Variants in CD5L observed in about 807,000 individuals in gnomAD.
CD5L encodes CD5 molecule like.
CD5L carries 39 observed loss-of-function variants against 40.8 expected under a neutral mutation model. The observed-to-expected ratio is 0.96, with a 90% confidence interval of 0.74 to 1.25. The LOEUF is 1.25. CD5L is among the 50% of genes most tolerant of loss of function. The pLI is 0.00. For missense variants in CD5L, 433 were observed against 435.9 expected (o/e 0.99, Z 0.06); for synonymous variants, 192 against 169.6 (o/e 1.13, Z -1.03).
In CD5L at chr1:157,831,982, A is replaced by G. The variant is rs2101935348; in HGVS notation, c.1040-14T>C. On this transcript the variant is annotated splice_polypyrimidine_tract_variant and intron_variant, in intron 5 of 5. Coordinates refer to ENST00000368174, the MANE Select transcript of CD5L (RefSeq NM_005894.3). ...CAGGATACTATCCTATAAAGAGAAGAGGAAAATGCAGTAAGGATGGGTATA... is the reference window on the plus strand; with the variant it reads ...CAGGATACTATCCTATAAAGAGAAGGGGAAAATGCAGTAAGGATGGGTATA... 6.4e-7 allele frequency: 1 copy of G among 1,570,466 alleles called. No homozygotes were observed. The highest frequency in any genetic ancestry group is 1.4e-5 in the African/African-American group (1 of 73,468).
At chr1:157,828,852 TCA>T (rs1481593666), downstream of CD5L, among the ~76,000 whole-genome samples, 1 of 152,232 alleles carries the variant, frequency 6.6e-6, no homozygotes, top group Non-Finnish European at 1.5e-5. Context: ...CTTTTCTGTC[TCA>T]CTCATTTTCT....
chr1:157,827,946 T>C (rs1655946399), downstream of CD5L, among the ~76,000 whole-genome samples: 1 of 152,234 alleles, frequency 6.6e-6, no homozygotes, highest in Non-Finnish European at 1.5e-5. Context: ...TTATTATCAT[T>C]GCAATTTTAT....
chr1:157,834,801 C>T, intron 3 of CD5L, 53 bp from the exon 4 acceptor site: 4 of 1,468,044 alleles, frequency 2.7e-6, no homozygotes, highest in Non-Finnish European at 3.8e-6. Context: ...ATGGTCTTCT[C>T]AGTAAAGGCG....
chr1:157,839,573 C>T (rs1199657818), intron 1 of CD5L, among the ~76,000 whole-genome samples, 163 bp from the exon 2 acceptor site: 1 of 152,208 alleles, frequency 6.6e-6, no homozygotes, highest in East Asian at 1.9e-4. Context: ...TGACCATCCT[C>T]CAAGGACACA....
downstream of CD5L, among the ~76,000 whole-genome samples, chr1:157,828,284 G>A (rs1655956811): frequency 6.6e-6 from 1 of 152,094 alleles, no homozygotes; most frequent in Non-Finnish European, 1.5e-5. Flanking sequence ...ATCTTACTTG[G>A]TCCATCAACA....
At chr1:157,839,628 A>G (rs1656310625) in intron 1 of CD5L, among the ~76,000 whole-genome samples, 1 of 152,118 alleles carries the variant, frequency 6.6e-6, no homozygotes, top group African/African-American at 2.4e-5. Flanking sequence ...ACCACAGCTA[A>G]CTGGTTCAGC....
downstream of CD5L, among the ~76,000 whole-genome samples, chr1:157,827,263 GGTGTATGTGT>G (rs1242704235): frequency 2.0e-4 from 24 of 117,092 alleles, no homozygotes; most frequent in East Asian, 1.8e-3. Context: ...CAGGACAAAT[GGTGTATGTGT>G]GTGTGTGTGT....
downstream of CD5L, among the ~76,000 whole-genome samples, chr1:157,828,334 T>G (rs903230784): frequency 6.6e-6 from 1 of 152,192 alleles, no homozygotes; most frequent in African/African-American, 2.4e-5. Flanking sequence ...CTTTCTTCAT[T>G]TGGTTTTAAA....
Position 157,836,095 on chromosome 1 carries a change from A to G in CD5L, c.116T>C (p.Val39Ala), listed in dbSNP as rs747205495. 3 of 1,613,170 alleles carry G rather than the reference A, an allele frequency of 1.9e-6. No homozygotes were observed. The highest frequency in any genetic ancestry group is 2.5e-6 in the Non-Finnish European group (3 of 1,179,844). ...GLHRCEGRVEVEQKGQWGTVC... is the reference protein window; with the variant it reads ...GLHRCEGRVEAEQKGQWGTVC... ...GGTGCCCCACTGGCCTTTCTGTTCCACCTCCACCCGCCCTTCACAGCGGTG... is the reference window on the plus strand; with the variant it reads ...GGTGCCCCACTGGCCTTTCTGTTCCGCCTCCACCCGCCCTTCACAGCGGTG... The change falls in exon 3 of 6, where the codon GTG (valine) becomes GCG (alanine). Residue 39 changes from valine (V) to alanine (A), a missense_variant. Transcript: ENST00000368174.
At chr1:157,833,602 G>T in intron 4 of CD5L, 90 bp from the exon 5 acceptor site, 2 of 1,039,198 alleles carry the variant, frequency 1.9e-6, no homozygotes, top group Non-Finnish European at 2.7e-6. Context: ...TTTTCATTTT[G>T]TATTTTTTGT....
intron 1 of CD5L, among the ~76,000 whole-genome samples, chr1:157,839,693 G>T (rs1434340902): frequency 7.6e-6 from 1 of 131,246 alleles, no homozygotes; most frequent in African/African-American, 3.0e-5. Context: ...TAGTCAATTA[G>T]ATTGATTGGT....
Position 157,834,065 on chromosome 1 carries a change from G to A in CD5L, c.718+342C>T, listed in dbSNP as rs192216838. Among the ~76,000 whole-genome samples, 23 of 151,910 alleles carry A rather than the reference G, an allele frequency of 1.5e-4. No homozygotes were observed. In the East Asian group the frequency reaches 1.5e-3, roughly 10 times the overall value. ...CTCACAAAGATATTTTCACTTCCCC[G>A]TCTATTTTATAAATCTAATATTTAT... On this transcript the variant is annotated intron_variant, in intron 4 of 5. Coordinates refer to ENST00000368174, the MANE Select transcript of CD5L (RefSeq NM_005894.3).
At chr1:157,838,065 C>T (rs1259455581) in intron 2 of CD5L, among the ~76,000 whole-genome samples, 1 of 152,250 alleles carries the variant, frequency 6.6e-6, no homozygotes, top group Non-Finnish European at 1.5e-5. Context: ...TGTGAGCCAC[C>T]ACGCCTGGCC....
In CD5L at chr1:157,831,816, C is replaced by G. The variant is rs1656056379; in HGVS notation, c.*148G>C. 1 of 1,382,426 alleles carries G rather than the reference C, an allele frequency of 7.2e-7. No homozygotes were observed. 85.6% of individuals were successfully genotyped at this position (1,382,426 alleles called of 1,614,324 possible). A position where few individuals can be genotyped will look rare whatever the true frequency, so the allele number is the denominator to read the frequency against. The stretch of plus-strand genomic sequence containing the variant: ...GGGCTGCTTGTCCCTGAGAGTAAGG[C>G]ATAAGCCCAGTGTTCAGACTCCTGA... On this transcript the variant is annotated 3_prime_UTR_variant, in exon 6 of 6. Coordinates refer to ENST00000368174, the MANE Select transcript of CD5L (RefSeq NM_005894.3).
chr1:157,841,750 G>C lies in CD5L; in HGVS notation c.-49C>G. ...AGCTGAAATTTAAGGCTAGAAGGAG[G>C]TCCCCAAGCAGCAATATTTAGTTTT... On this transcript the variant is annotated 5_prime_UTR_variant, in exon 1 of 6. Transcript: ENST00000368174. 1 of 1,554,144 alleles carries C rather than the reference G, an allele frequency of 6.4e-7. No homozygotes were observed. Among genetic ancestry groups the C allele is most frequent in the African/African-American group, 1.4e-5 (1 of 73,782 alleles).
chr1:157,835,741 G>A, intron 3 of CD5L, 94 bp downstream of exon 3: 2 of 1,013,720 alleles, frequency 2.0e-6, no homozygotes, highest in South Asian at 1.5e-5. Flanking sequence ...ATTAGCCATT[G>A]TGTGAACGTC....
chr1:157,832,726 A>G (rs1225357763), intron 5 of CD5L, among the ~76,000 whole-genome samples: 1 of 152,196 alleles, frequency 6.6e-6, no homozygotes, highest in South Asian at 2.1e-4. Context: ...CCTCTTTGAT[A>G]GTTTAACTTA....
At chr1:157,835,443 C>T (rs534262391) in intron 3 of CD5L, among the ~76,000 whole-genome samples, 1 of 152,164 alleles carries the variant, frequency 6.6e-6, no homozygotes, top group South Asian at 2.1e-4. Context: ...AGATAAACTC[C>T]TGGAAAACTG....
In CD5L at chr1:157,835,887, T is replaced by C. The variant is rs1386309177; in HGVS notation, c.324A>G (p.Gln108=). The part of the protein sequence containing the change: ...GTEDTLAQCE[Q]EEVYDCSHDE... ...CATGTGAACAATCATAAACTTCTTC[T>C]TGCTCACACTGAGCCAATGTATCTT... Residue 108 remains glutamine (Q), a synonymous_variant, in exon 3 of 6, where the codon CAA becomes CAG. Coordinates refer to ENST00000368174, the MANE Select transcript of CD5L (RefSeq NM_005894.3). The C allele has an allele frequency of 6.2e-7, 1 of 1,614,072 alleles. No homozygotes were observed. Among genetic ancestry groups the C allele is most frequent in the East Asian group, 2.2e-5 (1 of 44,902 alleles).
Sources: gnomAD v4.1 joint callset for allele counts (sites outside exome capture counted in the v4.1 genomes callset) on GRCh38, gnomAD v4.1.1 for gene constraint, MANE v1.5 for transcripts, NCBI Gene and HGNC (gene_info 2026-07-23, HGNC 2026-07-21) for gene names.